Variants in ZNF541 observed in about 807,000 individuals in gnomAD.
ZNF541 encodes the protein zinc finger protein 541.
A neutral mutation model predicts 123.5 loss-of-function variants in ZNF541; 23 were observed. That is an observed-to-expected ratio of 0.19 (90% confidence interval 0.13 to 0.26). ZNF541 has a LOEUF of 0.26. ZNF541 is among the 10% of genes least tolerant of loss of function. The probability of loss-of-function intolerance (pLI) is 1.00; values close to 1 mark genes in which losing one functional copy is unlikely to be tolerated. For synonymous variants in ZNF541, 751 were observed against 754.5 expected (o/e 1.00, Z 0.08); for missense variants, 1,612 against 1,789.9 (o/e 0.90, Z 1.79).
Position 47,567,943 on chromosome 19 carries a change from A to G in ZNF541, c.-99+3953T>C, listed in dbSNP as rs188953762. On this transcript the variant is annotated intron_variant, in intron 2 of 16. Transcript: ENST00000391901. ...AACCCTGACAAGCACTTGTGTAACA[A>G]TCCACTTAACATTTACTCTAAATTA... 3.4e-3 allele frequency among the ~76,000 whole-genome samples: 517 copies of G among 152,308 alleles called. 2 individuals are homozygous for G. The highest frequency in any genetic ancestry group is 0.012 in the African/African-American group (483 of 41,562).
At chr19:47,550,924 C>G (rs1970571122) in intron 3 of ZNF541, among the ~76,000 whole-genome samples, 1 of 152,176 alleles carries the variant, frequency 6.6e-6, no homozygotes. Flanking sequence ...GCTGTGTTCT[C>G]AGATGCGAGA....
chr19:47,571,159 T>G (rs1174320479), intron 2 of ZNF541, among the ~76,000 whole-genome samples: 1 of 150,614 alleles, frequency 6.6e-6, no homozygotes, highest in Non-Finnish European at 1.5e-5. Context: ...GTTGCCCAGG[T>G]TGGAGTGCAG....
chr19:47,539,255 C>T (rs2123060307), intron 8 of ZNF541, among the ~76,000 whole-genome samples: 1 of 151,606 alleles, frequency 6.6e-6, no homozygotes, highest in Middle Eastern at 3.4e-3. Flanking sequence ...TGCTGAATGA[C>T]TGAATTAACA....
At chr19:47,524,683 G>C (rs987480224) in intron 14 of ZNF541, among the ~76,000 whole-genome samples, 1 of 150,432 alleles carries the variant, frequency 6.6e-6, no homozygotes, top group Non-Finnish European at 1.5e-5. Context: ...ACTCCAGACT[G>C]GGTGACATAG....
intron 14 of ZNF541, 112 bp from the exon 15 acceptor site, chr19:47,522,106 T>C (rs1969064476): frequency 1.4e-6 from 2 of 1,401,620 alleles, no homozygotes; most frequent in East Asian, 2.5e-5. Flanking sequence ...CACCTCTTCC[T>C]TTGGCTTGGC....
chr19:47,549,467 A>G lies in ZNF541; in HGVS notation c.326T>C (p.Leu109Pro). Residue 109 changes from leucine (L) to proline (P), a missense_variant, in exon 4 of 17, where the codon CTT becomes CCT. Around this residue, in one of 5 missense-constraint regions of ZNF541, gnomAD observed 212 missense variants for 289.6 expected, o/e 0.73. Coordinates refer to ENST00000391901, the MANE Select transcript of ZNF541 (RefSeq NM_001277075.3). ...TCCTTCGTCAGCCTCTTTAGCCTTA[A>G]GCACACCTAGCCCCAGGTCTAAACA... Reference protein sequence around the residue: ...ASLQDLGLGVLKAKEADEGGR... With the variant: ...ASLQDLGLGVPKAKEADEGGR... 2 of 1,551,792 alleles carry G rather than the reference A, an allele frequency of 1.3e-6. No homozygotes were observed. Among genetic ancestry groups the G allele is most frequent in the South Asian group, 1.2e-5 (1 of 84,064 alleles).
chr19:47,538,138 TCACCGAG>T lies in ZNF541; in HGVS notation c.3091_3094+3del. On this transcript the variant is annotated splice_donor_variant and splice_donor_region_variant and coding_sequence_variant and intron_variant, in exon 9 of 17. Transcript: ENST00000391901. LOFTEE classifies it high-confidence loss of function. Reference sequence around the variant, plus strand: ...CACAGAGTGAGTGCCCCAGCCTCACTCACCGAGCATGGAGCTGATGAGCTGGTCAGGG... The same window carrying T: ...CACAGAGTGAGTGCCCCAGCCTCACTCATGGAGCTGATGAGCTGGTCAGGG... The T allele has an allele frequency of 6.5e-7, 1 of 1,550,242 alleles. No individual in the cohort carries two copies. Among genetic ancestry groups the T allele is most frequent in the Non-Finnish European group, 8.7e-7 (1 of 1,146,894 alleles).
intron 2 of ZNF541, among the ~76,000 whole-genome samples, chr19:47,569,372 T>C (rs1339758158): frequency 6.6e-6 from 1 of 152,182 alleles, no homozygotes; most frequent in Non-Finnish European, 1.5e-5. Flanking sequence ...ATATACTGTA[T>C]TATTAACCCT....
At chr19:47,554,864 T>G (rs1600054792) in intron 3 of ZNF541, among the ~76,000 whole-genome samples, 1 of 149,434 alleles carries the variant, frequency 6.7e-6, no homozygotes. Context: ...GAGGCGGAGG[T>G]GGGAGGATCA....
chr19:47,538,242 TGGG>T lies in ZNF541; in HGVS notation c.2991_2993del (p.Pro998del). On this transcript the variant is annotated inframe_deletion, in exon 9 of 17. Coordinates refer to ENST00000391901, the MANE Select transcript of ZNF541 (RefSeq NM_001277075.3). Reference sequence around the variant, plus strand: ...AGCCCTCCCGGATGGGGCTGAGCATTGGGGGTGGTGTGTAGGGGGAGCACTGGA... The same window carrying T: ...AGCCCTCCCGGATGGGGCTGAGCATTGGTGGTGTGTAGGGGGAGCACTGGA... 1 of 1,551,436 alleles carries T rather than the reference TGGG, an allele frequency of 6.4e-7. No homozygotes were observed. Among genetic ancestry groups the T allele is most frequent in the Non-Finnish European group, 8.7e-7 (1 of 1,146,900 alleles).
At position 47,540,195 on chromosome 19, in the gene ZNF541, C is replaced by G; in HGVS notation, c.2603G>C (p.Arg868Pro). The G allele has an allele frequency of 6.4e-7, 1 of 1,551,148 alleles. No homozygotes were observed. ...CTTCACCTGCGGTTCCTGCTTCCCT[C>G]GAGGTGACGGCCACTGGTCGCTGTG... ...CFHSDQWPSP[R>P]GKQEPQVFGT... The change falls in exon 7 of 17, where the codon CGA (arginine) becomes CCA (proline). Residue 868 changes from arginine to proline, a missense_variant. Around this residue, in one of 5 missense-constraint regions of ZNF541, gnomAD observed 1,080 missense variants for 1,013.8 expected, o/e 1.07. Transcript: ENST00000391901.
chr19:47,521,131 G>C lies in ZNF541; in HGVS notation c.*93C>G. 1.4e-6 allele frequency: 2 copies of C among 1,446,002 alleles called. No homozygotes were observed. Among genetic ancestry groups the C allele is most frequent in the Non-Finnish European group, 1.8e-6 (2 of 1,081,870 alleles). The allele number at this position is 1,446,002 out of a possible 1,614,324, so 89.6% of individuals were successfully genotyped here. ...TGGCCAACAGGGGACAGGGAGGGTG[G>C]GGGGAGGCAGAGGGGTGCCCCAAAC... On this transcript the variant is annotated 3_prime_UTR_variant, in exon 17 of 17. Coordinates refer to ENST00000391901, the MANE Select transcript of ZNF541 (RefSeq NM_001277075.3). The surrounding 1 kb of genome is among the most constrained non-coding windows in gnomAD (Gnocchi z 4.2).
At chr19:47,547,956 CT>C (rs1970424673) in intron 4 of ZNF541, among the ~76,000 whole-genome samples, 2 of 150,630 alleles carry the variant, frequency 1.3e-5, no homozygotes, top group Non-Finnish European at 2.9e-5. Flanking sequence ...AGGAAAATCA[CT>C]TGAACCCAGG....
Position 47,540,293 on chromosome 19 carries a change from C to T in ZNF541, c.2505G>A (p.Arg835=), listed in dbSNP as rs1599989893. 6.4e-7 allele frequency: 1 copy of T among 1,552,108 alleles called. No individual in the cohort carries two copies. Among genetic ancestry groups the T allele is most frequent in the East Asian group, 2.4e-5 (1 of 40,930 alleles). ...NGSPTDWTKP[R]STFVCKNCSQ... is the part of the protein sequence containing the mutation. ...TGCAGTTCTTGCAGACAAAAGTGCT[C>T]CTGGGCTTCGTCCAGTCTGTGGGAC... Residue 835 remains arginine, a synonymous_variant, in exon 7 of 17, where the codon AGG becomes AGA. Coordinates refer to ENST00000391901, the MANE Select transcript of ZNF541 (RefSeq NM_001277075.3).
Position 47,545,072 on chromosome 19 carries a change from G to T in ZNF541, c.1457C>A (p.Pro486Gln). The T allele has an allele frequency of 6.8e-7, 1 of 1,477,712 alleles. No individual in the cohort carries two copies. The allele number at this position is 1,477,712 out of a possible 1,614,324, so 91.5% of individuals were successfully genotyped here. A position where few individuals can be genotyped will look rare whatever the true frequency, so the allele number is the denominator to read the frequency against. ...AALLRVPAEA[P>Q]SDPRSASGED... ...CCCGCTGGCCGACCTGGGGTCGCTC[G>T]GGGCCTCCGCGGGGACCCTGAGGAG... Residue 486 changes from proline to glutamine, a missense_variant, in exon 5 of 17, where the codon CCG (proline) becomes CAG (glutamine). By Grantham distance (76) the Pro-to-Gln change is moderately conservative (BLOSUM62 -1). Around this residue, in one of 5 missense-constraint regions of ZNF541, gnomAD observed 1,080 missense variants for 1,013.8 expected, o/e 1.07. Coordinates refer to ENST00000391901, the MANE Select transcript of ZNF541 (RefSeq NM_001277075.3). This position sits in a 1 kb window ranked among gnomAD's most constrained non-coding sequence, Gnocchi z 7.5.
chr19:47,521,262 C>G lies in ZNF541; in HGVS notation c.4003G>C (p.Glu1335Gln). Reference protein sequence around the residue: ...WPVKPFQLKEEELGADIGPLQ... With the variant: ...WPVKPFQLKEQELGADIGPLQ... ...GGGCCGATGTCAGCTCCCAGCTCCT[C>G]TTCCTTTAGCTGGAAGGGCTTCACT... is the stretch of plus-strand genomic sequence containing the variant. The change falls in exon 17 of 17, where the codon GAG (glutamate) becomes CAG (glutamine). Residue 1335 changes from glutamate (E) to glutamine (Q), a missense_variant. Glu to Gln is a conservative substitution (Grantham distance 29, BLOSUM62 2). Around this residue, in one of 5 missense-constraint regions of ZNF541, gnomAD observed 30 missense variants for 48.9 expected, o/e 0.61. Coordinates refer to ENST00000391901, the MANE Select transcript of ZNF541 (RefSeq NM_001277075.3). This position sits in a 1 kb window ranked among gnomAD's most constrained non-coding sequence, Gnocchi z 4.2. 1 of 1,551,780 alleles carries G rather than the reference C, an allele frequency of 6.4e-7. No homozygotes were observed. Among genetic ancestry groups the G allele is most frequent in the Non-Finnish European group, 8.7e-7 (1 of 1,147,014 alleles).
chr19:47,565,177 G>C (rs749306689), intron 2 of ZNF541, among the ~76,000 whole-genome samples: 1 of 152,100 alleles, frequency 6.6e-6, no homozygotes. Flanking sequence ...GAGGGGATGA[G>C]GGATAAAAGA....
chr19:47,551,928 G>A (rs1206146287), intron 3 of ZNF541, among the ~76,000 whole-genome samples: 1 of 152,182 alleles, frequency 6.6e-6, no homozygotes, highest in African/African-American at 2.4e-5. Context: ...CGCCATCTTG[G>A]CTCACTGCAA....
chr19:47,537,262 T>C (rs1037169262), intron 9 of ZNF541, among the ~76,000 whole-genome samples: 1 of 152,068 alleles, frequency 6.6e-6, no homozygotes, highest in Admixed American at 6.6e-5. Flanking sequence ...ATAAATCTGT[T>C]AGGAAAATTA....
Sources: allele counts gnomAD v4.1 joint callset (sites outside exome capture counted in the v4.1 genomes callset), GRCh38; gene constraint gnomAD v4.1.1; regional missense constraint gnomAD v4.1.1; non-coding constraint Gnocchi (gnomAD v3.1); transcripts MANE v1.5; gene names NCBI Gene and HGNC (gene_info 2026-07-23, HGNC 2026-07-21).